RAB38: variants seen among roughly 807,000 people sequenced by gnomAD.
RAB38 encodes the protein ras-related protein Rab-38.
Under a neutral mutation model 18.4 loss-of-function variants are expected in RAB38, and 15 were observed. The observed-to-expected ratio is 0.82, with a 90% confidence interval of 0.55 to 1.26. The LOEUF is 1.26. RAB38 is among the 50% of genes most tolerant of loss of function. The probability of loss-of-function intolerance (pLI) is 0.00; values close to 1 mark genes in which losing one functional copy is unlikely to be tolerated. For missense variants in RAB38, 294 were observed against 267.4 expected (o/e 1.10, Z -0.69); for synonymous variants, 101 against 104.4 (o/e 0.97, Z 0.20).
chr11:88,100,474 T>A, the RAB38 span, among the ~76,000 whole-genome samples: 1 of 152,006 alleles, frequency 6.6e-6, no homozygotes, highest in African/African-American at 2.4e-5. Context: ...ATCGTCCAAT[T>A]GTACTTGGTA....
chr11:88,018,821 T>C, the RAB38 span, among the ~76,000 whole-genome samples: 1 of 152,214 alleles, frequency 6.6e-6, no homozygotes, highest in Admixed American at 6.5e-5. Context: ...TTTAAATTGT[T>C]ATTGTTTATT....
At chr11:88,151,545 C>G (rs918119998) in intron 1 of RAB38, among the ~76,000 whole-genome samples, 1 of 152,100 alleles carries the variant, frequency 6.6e-6, no homozygotes, top group Non-Finnish European at 1.5e-5. Flanking sequence ...TGTTAAGAGT[C>G]TTATAAAGTT....
At chr11:88,019,739 G>A in the RAB38 span, among the ~76,000 whole-genome samples, 1 of 152,068 alleles carries the variant, frequency 6.6e-6, no homozygotes, top group Non-Finnish European at 1.5e-5. Context: ...CTACTAAGAT[G>A]ATATTTAACA....
At chr11:87,823,136 T>C in the RAB38 span, among the ~76,000 whole-genome samples, 1 of 152,138 alleles carries the variant, frequency 6.6e-6, no homozygotes, top group Non-Finnish European at 1.5e-5. Flanking sequence ...AGTCATGTAA[T>C]TAAGAAACTT....
chr11:87,908,917 GAT>G, the RAB38 span, among the ~76,000 whole-genome samples: 1 of 151,834 alleles, frequency 6.6e-6, no homozygotes, highest in African/African-American at 2.4e-5. Context: ...TCCTCATATT[GAT>G]TTCTATCTTG....
At chr11:88,147,436 C>T (rs1943002765) in intron 2 of RAB38, among the ~76,000 whole-genome samples, 1 of 152,064 alleles carries the variant, frequency 6.6e-6, no homozygotes, top group South Asian at 2.1e-4. Flanking sequence ...TCCCTTGTGC[C>T]TGGAGGCTTC....
the RAB38 span, among the ~76,000 whole-genome samples, chr11:87,968,804 T>C: frequency 0.17 from 25,823 of 152,090 alleles, 2,321 homozygotes; most frequent in South Asian, 0.23. Flanking sequence ...GAAAATGGCA[T>C]AGTAATTTAA....
At chr11:87,974,168 A>T in the RAB38 span, among the ~76,000 whole-genome samples, 3 of 151,822 alleles carry the variant, frequency 2.0e-5, no homozygotes, top group Non-Finnish European at 2.9e-5. Context: ...TATCAAAATG[A>T]TCCAGTTATT....
the RAB38 span, among the ~76,000 whole-genome samples, chr11:87,938,582 T>G: frequency 1.3e-5 from 2 of 150,708 alleles, no homozygotes; most frequent in South Asian, 2.1e-4. Flanking sequence ...GTTTGAAAGG[T>G]TTTTTTTTCT....
the RAB38 span, among the ~76,000 whole-genome samples, chr11:87,848,056 A>G: frequency 1.6e-3 from 236 of 152,226 alleles, no homozygotes; most frequent in African/African-American, 5.1e-3. Context: ...TTATTTCTAC[A>G]TTTTTTAAAA....
chr11:88,070,307 C>T, the RAB38 span, among the ~76,000 whole-genome samples: 1 of 152,184 alleles, frequency 6.6e-6, no homozygotes, highest in Admixed American at 6.5e-5. Flanking sequence ...CAGCTTCACT[C>T]CTGAAGTCAG....
At chr11:88,144,164 C>G (rs980068067) in intron 2 of RAB38, among the ~76,000 whole-genome samples, 1 of 152,134 alleles carries the variant, frequency 6.6e-6, no homozygotes, top group African/African-American at 2.4e-5. Context: ...TCTCAGTTTG[C>G]TCTGGTTTTA....
At chr11:87,967,937 C>T in the RAB38 span, among the ~76,000 whole-genome samples, 1 of 152,078 alleles carries the variant, frequency 6.6e-6, no homozygotes, top group Non-Finnish European at 1.5e-5. Flanking sequence ...ACTAACAGTC[C>T]AGCCATGCCT....
chr11:88,144,362 G>C (rs1336179929), intron 2 of RAB38, among the ~76,000 whole-genome samples: 1 of 152,218 alleles, frequency 6.6e-6, no homozygotes, highest in Non-Finnish European at 1.5e-5. Context: ...TCATCTGCCT[G>C]TGCCTAGCTG....
the RAB38 span, among the ~76,000 whole-genome samples, chr11:87,805,824 G>GT: frequency 6.6e-6 from 1 of 152,080 alleles, no homozygotes; most frequent in East Asian, 1.9e-4. Context: ...CCAGGAAAGA[G>GT]TTGATGCTGC....
At chr11:87,807,394 C>T in the RAB38 span, among the ~76,000 whole-genome samples, 4 of 152,130 alleles carry the variant, frequency 2.6e-5, no homozygotes, top group Non-Finnish European at 5.9e-5. Flanking sequence ...GATTATTTTA[C>T]CAGAGTTCGA....
chr11:88,096,273 T>A, the RAB38 span, among the ~76,000 whole-genome samples: 1 of 152,000 alleles, frequency 6.6e-6, no homozygotes, highest in South Asian at 2.1e-4. Context: ...ACCCCAAGCA[T>A]GTTCCTCCCT....
At chr11:88,158,167 C>T (rs915640115) in intron 1 of RAB38, among the ~76,000 whole-genome samples, 1 of 152,054 alleles carries the variant, frequency 6.6e-6, no homozygotes, top group Non-Finnish European at 1.5e-5. Context: ...TGCAAACACA[C>T]TAGAAAATTT....
chr11:87,954,826 G>A, the RAB38 span, among the ~76,000 whole-genome samples: 3 of 152,088 alleles, frequency 2.0e-5, no homozygotes, highest in East Asian at 3.9e-4. Flanking sequence ...TCTCATTAAA[G>A]ACTCACCCTT....
Sources: allele counts gnomAD v4.1 joint callset (sites outside exome capture counted in the v4.1 genomes callset), GRCh38; gene constraint gnomAD v4.1.1; transcripts MANE v1.5; gene names NCBI Gene and HGNC (gene_info 2026-07-23, HGNC 2026-07-21).